Variants in SLC23A2 observed in about 807,000 individuals in gnomAD.
SLC23A2 encodes solute carrier family 23 member 2, also known as Na(+)/L-ascorbic acid transporter 2.
Under a neutral mutation model 73.3 loss-of-function variants are expected in SLC23A2, and 36 were observed. That is an observed-to-expected ratio of 0.49 (90% CI 0.38 to 0.65). The LOEUF (loss-of-function observed/expected upper bound fraction) is 0.65. Ranked by LOEUF, SLC23A2 falls within the 30% of genes least tolerant of loss-of-function variation. The pLI is 0.00. For synonymous variants in SLC23A2, 343 were observed against 327.3 expected, an observed-to-expected ratio of 1.05 and a Z score of -0.52; for missense variants, 507 against 841.6, an observed-to-expected ratio of 0.60 and a Z score of 4.92.
At chr20:4,949,846 T>G (rs1024897674) in intron 2 of SLC23A2, among the ~76,000 whole-genome samples, 1 of 152,168 alleles carries the variant, frequency 6.6e-6, no homozygotes, top group Admixed American at 6.6e-5. Context: ...TGGCCTTACC[T>G]TCAAAGTGAA....
intron 9 of SLC23A2, among the ~76,000 whole-genome samples, chr20:4,878,039 C>A (rs1396181121): frequency 6.6e-6 from 1 of 152,216 alleles, no homozygotes; most frequent in East Asian, 1.9e-4. Context: ...CTTTAATGAG[C>A]TAGGTGTAGT....
At position 4,869,979 on chromosome 20, in the gene SLC23A2, C is replaced by T. The variant is rs1411707797; in HGVS notation, c.1177G>A (p.Glu393Lys). Reference sequence around the variant, plus strand: ...CAGGCGTAGTAGTCACCAATAGACTCGATGATGCTGGCGACCACGGCACTG... The same window carrying T: ...CAGGCGTAGTAGTCACCAATAGACTTGATGATGCTGGCGACCACGGCACTG... ...MLSAVVASII[E>K]SIGDYYACAR... Residue 393 changes from glutamate (E) to lysine (K), a missense_variant, in exon 12 of 17, where the codon GAG (glutamate) becomes AAG (lysine). Around this residue, in one of 5 missense-constraint regions of SLC23A2, gnomAD observed 217 missense variants for 398.0 expected, o/e 0.55. Transcript: ENST00000338244. 1.2e-6 allele frequency: 2 copies of T among 1,613,606 alleles called. No individual in the cohort carries two copies. The highest frequency in any genetic ancestry group is 1.1e-5 in the South Asian group (1 of 91,056).
intron 2 of SLC23A2, among the ~76,000 whole-genome samples, chr20:4,933,932 G>A (rs1932816699): frequency 6.6e-6 from 1 of 152,012 alleles, no homozygotes; most frequent in South Asian, 2.1e-4. Context: ...ACTCTTCATG[G>A]GACACTTCAT....
At chr20:4,906,000 T>C (rs915492464) in intron 4 of SLC23A2, among the ~76,000 whole-genome samples, 1 of 152,264 alleles carries the variant, frequency 6.6e-6, no homozygotes, top group Non-Finnish European at 1.5e-5. Flanking sequence ...TATACTAATG[T>C]ATATGTGTGC....
intron 4 of SLC23A2, among the ~76,000 whole-genome samples, chr20:4,907,366 C>T: frequency 6.6e-6 from 1 of 152,042 alleles, no homozygotes; most frequent in East Asian, 1.9e-4. Flanking sequence ...TCATCACACA[C>T]AAAGACCTCA....
chr20:4,915,046 G>C (rs949349526), intron 3 of SLC23A2, among the ~76,000 whole-genome samples: 1 of 150,998 alleles, frequency 6.6e-6, no homozygotes, highest in Non-Finnish European at 1.5e-5. Context: ...TAAATAGCTA[G>C]CTGATGTACT....
intron 11 of SLC23A2, among the ~76,000 whole-genome samples, chr20:4,870,764 C>T (rs2076917757): frequency 6.6e-6 from 1 of 152,128 alleles, no homozygotes; most frequent in Admixed American, 6.5e-5. Context: ...CAGCAGTGGC[C>T]TTCCCCAGGG....
In SLC23A2 at chr20:4,863,598, C is replaced by A. The variant is rs1261263367; in HGVS notation, c.1357-691G>T. On this transcript the variant is annotated intron_variant, in intron 13 of 16. Coordinates refer to ENST00000338244, the MANE Select transcript of SLC23A2 (RefSeq NM_005116.6). The surrounding 1 kb of genome is among the most constrained non-coding windows in gnomAD (Gnocchi z 4.8). Reference sequence around the variant, plus strand: ...GCCCACATGGGCCTGCTGCCACTGGCCTTTCCTGCACCCATTCCATGGGGC... The same window carrying A: ...GCCCACATGGGCCTGCTGCCACTGGACTTTCCTGCACCCATTCCATGGGGC... Among the ~76,000 whole-genome samples, 1 of 152,230 alleles carries A rather than the reference C, an allele frequency of 6.6e-6. No individual in the cohort carries two copies. Among genetic ancestry groups the A allele is most frequent in the African/African-American group, 2.4e-5 (1 of 41,458 alleles).
intron 1 of SLC23A2, among the ~76,000 whole-genome samples, chr20:4,971,813 C>A (rs1474550965): frequency 6.6e-6 from 1 of 151,928 alleles, no homozygotes; most frequent in Non-Finnish European, 1.5e-5. Flanking sequence ...AAGTGATTTG[C>A]ACTCAGTTGG....
chr20:4,964,757 G>A (rs1338111186), intron 2 of SLC23A2, among the ~76,000 whole-genome samples: 5 of 149,922 alleles, frequency 3.3e-5, no homozygotes, highest in African/African-American at 4.9e-5. Flanking sequence ...AGGATCCCCT[G>A]CACCCGGGAG....
At chr20:4,911,481 C>T (rs918726916) in intron 4 of SLC23A2, among the ~76,000 whole-genome samples, 4 of 152,014 alleles carry the variant, frequency 2.6e-5, no homozygotes, top group Non-Finnish European at 4.4e-5. Context: ...TGTGAACTCA[C>T]CATGCTAATA....
chr20:4,930,170 T>C (rs1352800927), intron 3 of SLC23A2, among the ~76,000 whole-genome samples: 1 of 152,142 alleles, frequency 6.6e-6, no homozygotes, highest in Non-Finnish European at 1.5e-5. Flanking sequence ...ATGTTCAAGT[T>C]CTTGTCCCGA....
rs1023604307 is a variant in SLC23A2 at position 4,948,024 on chromosome 20, C to T, written c.-154-15308G>A. Among the ~76,000 whole-genome samples the T allele has an allele frequency of 2.0e-5, 3 of 152,178 alleles. No individual in the cohort carries two copies. In the South Asian group the frequency reaches 6.2e-4, roughly 32 times the overall value. On this transcript the variant is annotated intron_variant, in intron 2 of 16. Coordinates refer to ENST00000338244, the MANE Select transcript of SLC23A2 (RefSeq NM_005116.6). ...AGTCCCACTGTGTCTGGGATGCCTG[C>T]TCCATCCTCTTTCCAGCACAGTCCC... is the stretch of plus-strand genomic sequence containing the variant.
intron 2 of SLC23A2, among the ~76,000 whole-genome samples, chr20:4,968,878 C>G (rs1194168466): frequency 6.6e-6 from 1 of 151,902 alleles, no homozygotes; most frequent in East Asian, 1.9e-4. Context: ...GCCACCATGC[C>G]TGGCTAATTT....
intron 1 of SLC23A2, among the ~76,000 whole-genome samples, chr20:4,984,573 G>A (rs184179123): frequency 5.3e-4 from 80 of 151,476 alleles, no homozygotes; most frequent in Admixed American, 2.1e-3. Flanking sequence ...AAAAAGACCC[G>A]GTCTCAAATA....
chr20:4,990,255 C>A (rs2087903803), intron 1 of SLC23A2, among the ~76,000 whole-genome samples: 1 of 152,214 alleles, frequency 6.6e-6, no homozygotes, highest in Non-Finnish European at 1.5e-5. Flanking sequence ...TGCAGTGGCT[C>A]ATCCCTGTAA....
At chr20:4,927,968 T>C (rs1156549743) in intron 3 of SLC23A2, among the ~76,000 whole-genome samples, 1 of 152,216 alleles carries the variant, frequency 6.6e-6, no homozygotes, top group Admixed American at 6.5e-5. Context: ...AATGGTCTTC[T>C]ACTTTAAAAG....
At chr20:4,943,210 G>A (rs950926463) in intron 2 of SLC23A2, among the ~76,000 whole-genome samples, 23 of 151,718 alleles carry the variant, frequency 1.5e-4, no homozygotes, top group African/African-American at 3.1e-4. Flanking sequence ...CCAAGTAGAC[G>A]GCACTGAATA....
At position 4,862,305 on chromosome 20, in the gene SLC23A2, G is replaced by A. The variant is rs764834546; in HGVS notation, c.1487-220C>T. Among the ~76,000 whole-genome samples, 68 of 152,342 alleles carry A rather than the reference G, an allele frequency of 4.5e-4. No individual in the cohort carries two copies. Among genetic ancestry groups the A allele is most frequent in the Non-Finnish European group, 7.3e-4 (50 of 68,038 alleles). On this transcript the variant is annotated intron_variant, in intron 14 of 16. Coordinates refer to ENST00000338244, the MANE Select transcript of SLC23A2 (RefSeq NM_005116.6). This position sits in a 1 kb window ranked among gnomAD's most constrained non-coding sequence, Gnocchi z 5.1. ...ACGCGCTATTTGGGCTCCTACGGGA[G>A]CATAAACACCATGTGGCATTTTGTT...
Sources: gnomAD v4.1 joint callset for allele counts (sites outside exome capture counted in the v4.1 genomes callset) on GRCh38, gnomAD v4.1.1 for gene constraint, gnomAD v4.1.1 regional missense constraint, Gnocchi (gnomAD v3.1) non-coding constraint, MANE v1.5 for transcripts, NCBI Gene and HGNC (gene_info 2026-07-23, HGNC 2026-07-21) for gene names.